The following CCDC88A variants were observed in gnomAD, a reference collection of about 807,000 sequenced individuals.
CCDC88A encodes girdin.
CCDC88A carries 54 observed loss-of-function variants against 234.3 expected under a neutral mutation model. The ratio of observed to expected loss-of-function variants is 0.23; its 90% CI spans 0.19 to 0.29. The LOEUF is 0.29. Ranked by LOEUF, CCDC88A falls within the 10% of genes least tolerant of loss-of-function variation. CCDC88A has a pLI of 1.00. For missense variants in CCDC88A, 1,832 were observed against 2,123.4 expected (o/e 0.86, Z 2.70); for synonymous variants, 753 against 737.8 (o/e 1.02, Z -0.33).
chr2:55,318,732 T>G, intron 19 of CCDC88A, 111 bp downstream of exon 19: 1 of 839,906 alleles, frequency 1.2e-6, no homozygotes, highest in Non-Finnish European at 1.7e-6. Flanking sequence ...ATATTTTCAT[T>G]TATCTTTAAG....
chr2:55,325,350 G>A (rs1400855546), intron 17 of CCDC88A, among the ~76,000 whole-genome samples: 1 of 152,120 alleles, frequency 6.6e-6, no homozygotes, highest in Non-Finnish European at 1.5e-5. Context: ...TGCTAATGTA[G>A]AGAAATAAAA....
chr2:55,330,326 A>C (rs998122144), intron 16 of CCDC88A, among the ~76,000 whole-genome samples: 4 of 151,592 alleles, frequency 2.6e-5, no homozygotes, highest in Non-Finnish European at 4.4e-5. Flanking sequence ...ATACAAAATT[A>C]GCCAGGCATG....
intron 31 of CCDC88A, chr2:55,294,049 TTC>T (rs1344645435): frequency 3.7e-5 from 6 of 160,920 alleles, no homozygotes; most frequent in Non-Finnish European, 6.6e-5. Context: ...TTAAAAAAAA[TTC>T]TGTTTTAAGG....
In CCDC88A at chr2:55,319,008, G is replaced by A. The variant is rs771661428; in HGVS notation, c.3163-4C>T. The A allele has an allele frequency of 6.2e-7, 1 of 1,607,732 alleles. No individual in the cohort carries two copies. The highest frequency in any genetic ancestry group is 1.7e-5 in the Admixed American group (1 of 59,332). On this transcript the variant is annotated splice_region_variant and splice_polypyrimidine_tract_variant and intron_variant, in intron 18 of 32. Transcript: ENST00000436346. ...TCTCTGCTTGCAGTGTAGCATTCTT[G>A]AAAAACAAAAACCAAAACCAAACAT...
At chr2:55,291,390 CA>C in intron 32 of CCDC88A, 1 of 190,122 alleles carries the variant, frequency 5.3e-6, no homozygotes. Context: ...ATTCCTACCA[CA>C]AAAGGCTTCA....
intron 29 of CCDC88A, chr2:55,296,790 A>C (rs538570473): frequency 8.1e-5 from 33 of 405,144 alleles, no homozygotes; most frequent in African/African-American, 6.5e-4. Context: ...CTCAGAGCCT[A>C]AACAGAGCCT....
rs1021242082 is a variant in CCDC88A, at chr2:55,309,409, T to C, written c.4080-155A>G. ...TAAGATTTCATCAGGTAGTTAACAA[T>C]GGGAATTTTTCCATGTTTCTCCTTT... On this transcript the variant is annotated intron_variant, in intron 23 of 32. Coordinates refer to ENST00000436346, the MANE Select transcript of CCDC88A (RefSeq NM_001365480.1). This position sits in a 1 kb window ranked among gnomAD's most constrained non-coding sequence, Gnocchi z 5.1. 6.6e-6 allele frequency among the ~76,000 whole-genome samples: 1 copy of C among 152,150 alleles called. No individual in the cohort carries two copies. The highest frequency in any genetic ancestry group is 1.5e-5 in the Non-Finnish European group (1 of 68,006).
At chr2:55,418,703 C>T (rs1004733283) in intron 2 of CCDC88A, 113 bp downstream of exon 2, 5 of 753,654 alleles carry the variant, frequency 6.6e-6, no homozygotes, top group African/African-American at 1.7e-5. Flanking sequence ...CTTAAACCAC[C>T]TGAATATTTC....
intron 2 of CCDC88A, chr2:55,417,034 G>A (rs972317657): frequency 6.6e-6 from 1 of 151,828 alleles, no homozygotes; most frequent in Non-Finnish European, 1.5e-5. Flanking sequence ...GGTTTGGAAA[G>A]GAGCTAGTCC....
chr2:55,314,227 GA>G (rs1682691818), intron 22 of CCDC88A: 1 of 152,192 alleles, frequency 6.6e-6, no homozygotes. Context: ...ACAGATGCAG[GA>G]GCAAACCCCT....
At chr2:55,366,627 A>G (rs1265087187) in intron 5 of CCDC88A, among the ~76,000 whole-genome samples, 1 of 151,460 alleles carries the variant, frequency 6.6e-6, no homozygotes, top group Non-Finnish European at 1.5e-5. Flanking sequence ...AAAAGTGATT[A>G]GGGTGGGAGG....
At chr2:55,392,996 T>G (rs13001912) in intron 2 of CCDC88A, among the ~76,000 whole-genome samples, 46,233 of 151,962 alleles carry the variant, frequency 0.3, 7,449 homozygotes, top group East Asian at 0.54. Context: ...ACCGTCTTCA[T>G]TAATCGAACA....
At chr2:55,349,497 A>C in intron 9 of CCDC88A, 21 bp downstream of exon 9, 3 of 1,540,898 alleles carry the variant, frequency 1.9e-6, no homozygotes, top group Non-Finnish European at 2.7e-6. Flanking sequence ...GTCCTAAATA[A>C]CAGATATTCC....
At chr2:55,294,979 ATTTTG>A in intron 31 of CCDC88A, 1 of 1,198,664 alleles carries the variant, frequency 8.3e-7, no homozygotes, top group Non-Finnish European at 1.1e-6. Flanking sequence ...GCCAAATGAT[ATTTTG>A]TTAACAGCAA....
At chr2:55,408,856 A>T (rs1383081296) in intron 2 of CCDC88A, among the ~76,000 whole-genome samples, 1 of 152,128 alleles carries the variant, frequency 6.6e-6, no homozygotes, top group Non-Finnish European at 1.5e-5. Context: ...CCAGTAACAC[A>T]ACCTTTACTC....
At chr2:55,391,150 G>A (rs142161509) in intron 2 of CCDC88A, among the ~76,000 whole-genome samples, 34 of 152,334 alleles carry the variant, frequency 2.2e-4, no homozygotes, top group African/African-American at 7.7e-4. Context: ...GTAGAGTGGA[G>A]TAGACTTAAT....
intron 2 of CCDC88A, chr2:55,399,670 T>C (rs1288772088): frequency 6.6e-6 from 1 of 152,218 alleles, no homozygotes; most frequent in Non-Finnish European, 1.5e-5. Flanking sequence ...AAGGACTTTT[T>C]ATTGTTTCAT....
intron 2 of CCDC88A, among the ~76,000 whole-genome samples, chr2:55,413,656 A>T (rs1012769198): frequency 8.5e-5 from 13 of 152,082 alleles, no homozygotes; most frequent in African/African-American, 1.4e-4. Context: ...GCTTCAGGAA[A>T]CTCACAGCCT....
At chr2:55,392,490 A>G (rs889317001) in intron 2 of CCDC88A, among the ~76,000 whole-genome samples, 1 of 152,190 alleles carries the variant, frequency 6.6e-6, no homozygotes, top group Non-Finnish European at 1.5e-5. Context: ...ACATTCATTC[A>G]GCTCTTCTTC....
Sources: gnomAD v4.1 joint callset for allele counts (sites outside exome capture counted in the v4.1 genomes callset) on GRCh38, gnomAD v4.1.1 for gene constraint, Gnocchi (gnomAD v3.1) non-coding constraint, MANE v1.5 for transcripts, NCBI Gene and HGNC (gene_info 2026-07-23, HGNC 2026-07-21) for gene names.